CCDC148: variants seen among roughly 807,000 people sequenced by gnomAD.
CCDC148 encodes the protein coiled-coil domain containing 148.
Under a neutral mutation model 85.7 loss-of-function variants are expected in CCDC148, and 89 were observed. That is an observed-to-expected ratio of 1.04 (90% CI 0.87 to 1.24). The LOEUF is 1.24. Ranked by LOEUF, CCDC148 falls within the 50% of genes most tolerant of loss-of-function variation. CCDC148 has a pLI of 0.00. For missense variants in CCDC148, 692 were observed against 671.7 expected (o/e 1.03, Z -0.33); for synonymous variants, 230 against 213.9 (o/e 1.08, Z -0.66).
At chr2:158,419,698 A>G (rs1686678104) in intron 1 of CCDC148, among the ~76,000 whole-genome samples, 1 of 152,184 alleles carries the variant, frequency 6.6e-6, no homozygotes, top group Non-Finnish European at 1.5e-5. Context: ...TGACTACTTA[A>G]GTCTATGGTA....
At chr2:158,437,567 C>T (rs2098152769) in intron 1 of CCDC148, among the ~76,000 whole-genome samples, 2 of 152,258 alleles carry the variant, frequency 1.3e-5, no homozygotes, top group South Asian at 4.1e-4. Context: ...AAAACTGGCA[C>T]AAGACAGGGA....
chr2:158,369,710 G>C (rs911670296), intron 1 of CCDC148, among the ~76,000 whole-genome samples: 8 of 152,172 alleles, frequency 5.3e-5, no homozygotes, highest in African/African-American at 1.9e-4. Flanking sequence ...ATACTATGTT[G>C]AACAGGAGTG....
chr2:158,223,213 C>T (rs1428055421), intron 10 of CCDC148, among the ~76,000 whole-genome samples: 5 of 152,218 alleles, frequency 3.3e-5, no homozygotes, highest in Admixed American at 3.3e-4. Context: ...CGGATCCTCA[C>T]TCACTGCTAG....
intron 1 of CCDC148, among the ~76,000 whole-genome samples, chr2:158,429,145 G>A (rs1205957297): frequency 6.6e-6 from 1 of 151,830 alleles, no homozygotes; most frequent in Non-Finnish European, 1.5e-5. Context: ...GTGGGGTGGG[G>A]GCAGGGGGGA....
At chr2:158,443,132 T>C (rs1688005248) in intron 1 of CCDC148, among the ~76,000 whole-genome samples, 1 of 151,132 alleles carries the variant, frequency 6.6e-6, no homozygotes, top group Non-Finnish European at 1.5e-5. Flanking sequence ...AGGCAAGATA[T>C]AAGTAGGAGT....
chr2:158,337,566 A>G (rs763643143), intron 7 of CCDC148, among the ~76,000 whole-genome samples: 2 of 152,156 alleles, frequency 1.3e-5, no homozygotes, highest in African/African-American at 2.4e-5. Flanking sequence ...ATTGTATATT[A>G]TTATTTCTCA....
chr2:158,429,362 T>A (rs79267963), intron 1 of CCDC148, among the ~76,000 whole-genome samples: 2 of 93,818 alleles, frequency 2.1e-5, no homozygotes, highest in Admixed American at 1.3e-4. Context: ...AGAGCATGAA[T>A]AGATAGATAG....
At chr2:158,371,968 T>C (rs1391267063) in intron 1 of CCDC148, among the ~76,000 whole-genome samples, 1 of 151,956 alleles carries the variant, frequency 6.6e-6, no homozygotes, top group Non-Finnish European at 1.5e-5. Flanking sequence ...GCTAATAAAA[T>C]AATTCAAATA....
intron 9 of CCDC148, among the ~76,000 whole-genome samples, chr2:158,268,916 T>G (rs1036850190): frequency 4.6e-5 from 7 of 152,220 alleles, no homozygotes; most frequent in Non-Finnish European, 7.3e-5. Context: ...TTTTTATGGC[T>G]GAATACTATT....
chr2:158,296,453 A>G (rs796977536), intron 9 of CCDC148, among the ~76,000 whole-genome samples: 1 of 152,052 alleles, frequency 6.6e-6, no homozygotes, highest in Admixed American at 6.6e-5. Flanking sequence ...ATGGCTATGT[A>G]TTTATTTTTA....
At chr2:158,435,064 T>C (rs1182830893) in intron 1 of CCDC148, among the ~76,000 whole-genome samples, 1 of 152,144 alleles carries the variant, frequency 6.6e-6, no homozygotes, top group Non-Finnish European at 1.5e-5. Flanking sequence ...CAGGATGTTA[T>C]CCAGGAGAAC....
intron 10 of CCDC148, among the ~76,000 whole-genome samples, chr2:158,248,874 T>C (rs1358640553): frequency 6.6e-6 from 1 of 152,140 alleles, no homozygotes; most frequent in Non-Finnish European, 1.5e-5. Flanking sequence ...TTTGGGTGCC[T>C]CAGCCATTAA....
At chr2:158,310,611 G>C (rs1031089008) in intron 8 of CCDC148, among the ~76,000 whole-genome samples, 1 of 151,590 alleles carries the variant, frequency 6.6e-6, no homozygotes, top group African/African-American at 2.4e-5. Context: ...CAGACGGGGC[G>C]GCCAGGTAGA....
chr2:158,283,073 C>A (rs1202239254), intron 9 of CCDC148, among the ~76,000 whole-genome samples: 1 of 152,160 alleles, frequency 6.6e-6, no homozygotes, highest in African/African-American at 2.4e-5. Context: ...ACTGGCTAGC[C>A]ATATGTAGAA....
Position 158,176,613 on chromosome 2 carries a change from T to C in CCDC148, c.1537A>G (p.Met513Val). The C allele has an allele frequency of 2.5e-6, 4 of 1,612,144 alleles. No individual in the cohort carries two copies. The highest frequency in any genetic ancestry group is 1.7e-6 in the Non-Finnish European group (2 of 1,178,872). ...ATGCCCATTCTAGCTTTTGATGCCA[T>C]TGTATCTGACATCATTCTAACAGGA... is the stretch of plus-strand genomic sequence containing the variant. ...FDPVRMMSDT[M>V]ASKARMGIEI... is the part of the protein sequence containing the mutation. The change falls in exon 13 of 14, where the codon ATG (methionine) becomes GTG (valine). Residue 513 changes from methionine to valine, a missense_variant. Transcript: ENST00000283233.
intron 1 of CCDC148, among the ~76,000 whole-genome samples, chr2:158,406,623 T>TCTGTTTTTTTTTTTTTGTTTTG (rs372903099): frequency 9.7e-6 from 1 of 102,858 alleles, no homozygotes; most frequent in Non-Finnish European, 2.2e-5. Flanking sequence ...CTTTTTTTTT[T>TCTGTTTTTTTTTTTTTGTTTTG]TTTTTTTTTT....
intron 1 of CCDC148, among the ~76,000 whole-genome samples, chr2:158,449,311 A>G (rs1240676133): frequency 6.6e-6 from 1 of 152,076 alleles, no homozygotes; most frequent in Admixed American, 6.5e-5. Context: ...TTCCTTTCCA[A>G]TCAATATGAC....
Position 158,329,703 on chromosome 2 carries a change from T to C in CCDC148, c.764+9023A>G, listed in dbSNP as rs577830437. 5.8e-4 allele frequency among the ~76,000 whole-genome samples: 89 copies of C among 152,236 alleles called. 4 individuals carry two copies. In the East Asian group the frequency reaches 0.015, roughly 26 times the overall value. On this transcript the variant is annotated intron_variant, in intron 7 of 13. Coordinates refer to ENST00000283233, the MANE Select transcript of CCDC148 (RefSeq NM_138803.4). ...TATTTCATTGAGCAGTGGTTTGTAG[T>C]TCTCCTTGAAGAGGTCCTTCACGTC...
chr2:158,450,019 A>G (rs1470229226), intron 1 of CCDC148, among the ~76,000 whole-genome samples: 4 of 150,514 alleles, frequency 2.7e-5, no homozygotes, highest in Non-Finnish European at 5.9e-5. Context: ...TTAAAAATTA[A>G]CTACAGACAA....
Sources: allele counts gnomAD v4.1 joint callset (sites outside exome capture counted in the v4.1 genomes callset), GRCh38; gene constraint gnomAD v4.1.1; transcripts MANE v1.5; gene names NCBI Gene and HGNC (gene_info 2026-07-23, HGNC 2026-07-21).